LGR4: variants seen among roughly 807,000 people sequenced by gnomAD.
LGR4 encodes leucine rich repeat containing G protein-coupled receptor 4, also known as leucine-rich repeat-containing G protein-coupled receptor 4.
LGR4 carries 44 observed loss-of-function variants against 84.8 expected under a neutral mutation model. The ratio of observed to expected loss-of-function variants is 0.52; its 90% CI spans 0.41 to 0.67. The LOEUF (loss-of-function observed/expected upper bound fraction) is 0.67. Among genes scored for constraint, LGR4 ranks in the 30% least tolerant of loss-of-function variants. LGR4 has a pLI of 0.00. For missense variants in LGR4, 1,032 were observed against 1,131.4 expected (o/e 0.91, Z 1.26); for synonymous variants, 429 against 434.3 (o/e 0.99, Z 0.15).
chr11:27,451,630 C>T (rs761527245), intron 1 of LGR4, among the ~76,000 whole-genome samples: 23 of 152,168 alleles, frequency 1.5e-4, no homozygotes, highest in Non-Finnish European at 3.1e-4. Context: ...TTAAATACCA[C>T]AAAAATTAGT....
chr11:27,373,350 G>A (rs1047125725), intron 15 of LGR4: 2 of 447,334 alleles, frequency 4.5e-6, no homozygotes, highest in African/African-American at 2.0e-5. Flanking sequence ...AGGCCATCAA[G>A]GGCTCCAGTT....
At chr11:27,387,948 T>C (rs1451812873) in intron 4 of LGR4, among the ~76,000 whole-genome samples, 1 of 152,120 alleles carries the variant, frequency 6.6e-6, no homozygotes, top group South Asian at 2.1e-4. Context: ...GAATTCTGTG[T>C]CATCAAGGAA....
chr11:27,382,997 C>A (rs773782409), intron 6 of LGR4, among the ~76,000 whole-genome samples: 1 of 151,818 alleles, frequency 6.6e-6, no homozygotes, highest in Non-Finnish European at 1.5e-5. Context: ...AGCCTGGTGA[C>A]AAAGCGAGAC....
chr11:27,417,312 AAG>A (rs1345108897), intron 1 of LGR4, among the ~76,000 whole-genome samples: 1 of 152,150 alleles, frequency 6.6e-6, no homozygotes, highest in African/African-American at 2.4e-5. Flanking sequence ...GATAATGACC[AAG>A]AATGTCACCT....
chr11:27,426,831 T>G (rs1477683737), intron 1 of LGR4, among the ~76,000 whole-genome samples: 7 of 152,194 alleles, frequency 4.6e-5, no homozygotes, highest in Non-Finnish European at 8.8e-5. Flanking sequence ...TGGTCCATGA[T>G]TCTTTCCACT....
intron 1 of LGR4, among the ~76,000 whole-genome samples, chr11:27,413,805 C>T (rs769395664): frequency 1.3e-5 from 2 of 152,052 alleles, no homozygotes; most frequent in Non-Finnish European, 2.9e-5. Context: ...TGAAGCATAC[C>T]GAAGTCAGCT....
intron 1 of LGR4, among the ~76,000 whole-genome samples, chr11:27,431,048 T>C (rs1405154496): frequency 6.6e-6 from 1 of 152,152 alleles, no homozygotes; most frequent in Non-Finnish European, 1.5e-5. Context: ...GACAGTCTCT[T>C]CTTAGCCCCC....
chr11:27,378,673 G>A, intron 11 of LGR4, 24 bp downstream of exon 11: 1 of 1,481,218 alleles, frequency 6.8e-7, no homozygotes, highest in East Asian at 2.3e-5. Context: ...GGTATGAGGG[G>A]AAGGGAAGAA....
intron 2 of LGR4, among the ~76,000 whole-genome samples, chr11:27,403,777 T>C (rs1242908350): frequency 1.3e-5 from 2 of 152,240 alleles, no homozygotes; most frequent in Admixed American, 6.5e-5. Context: ...TAAAAAACAG[T>C]ATCCACTTAT....
intron 10 of LGR4, 171 bp from the exon 11 acceptor site, chr11:27,378,939 A>C: frequency 1.7e-6 from 1 of 582,720 alleles, no homozygotes; most frequent in Non-Finnish European, 3.0e-6. Flanking sequence ...CTGAACCCCA[A>C]TTCTGATATC....
chr11:27,432,419 C>T (rs1864130768), intron 1 of LGR4, among the ~76,000 whole-genome samples: 1 of 152,170 alleles, frequency 6.6e-6, no homozygotes, highest in Non-Finnish European at 1.5e-5. Flanking sequence ...AGGAGACTGG[C>T]TCACCTACTT....
chr11:27,417,300 T>C (rs888008239), intron 1 of LGR4, among the ~76,000 whole-genome samples: 3 of 152,052 alleles, frequency 2.0e-5, no homozygotes, highest in African/African-American at 7.2e-5. Context: ...AAAACACATG[T>C]TGATAATGAC....
chr11:27,416,239 C>T (rs1863814898), intron 1 of LGR4, among the ~76,000 whole-genome samples: 1 of 152,100 alleles, frequency 6.6e-6, no homozygotes, highest in Admixed American at 6.6e-5. Flanking sequence ...GAGCTGATGG[C>T]CTTACTGGGA....
intron 1 of LGR4, among the ~76,000 whole-genome samples, chr11:27,453,592 C>A (rs554417567): frequency 6.6e-6 from 1 of 152,124 alleles, no homozygotes; most frequent in Non-Finnish European, 1.5e-5. Context: ...TAATCCCCCA[C>A]CCCCCTGCCA....
At chr11:27,396,774 A>G (rs971222487) in intron 2 of LGR4, among the ~76,000 whole-genome samples, 1 of 152,192 alleles carries the variant, frequency 6.6e-6, no homozygotes, top group African/African-American at 2.4e-5. Context: ...TGTCCCACAA[A>G]CAATATTCTT....
chr11:27,382,131 C>T lies in LGR4; in HGVS notation c.758+57G>A, dbSNP rs192849729. The T allele has an allele frequency of 5.0e-5, 56 of 1,123,010 alleles. No individual in the cohort carries two copies. In the African/African-American group the frequency reaches 5.3e-4, roughly 11 times the overall value. 69.6% of individuals were successfully genotyped at this position (1,123,010 alleles called of 1,614,324 possible). A position where few individuals can be genotyped will look rare whatever the true frequency, so the allele number is the denominator to read the frequency against. On this transcript the variant is annotated intron_variant, in intron 7 of 17. Coordinates refer to ENST00000379214, the MANE Select transcript of LGR4 (RefSeq NM_018490.5). The stretch of plus-strand genomic sequence containing the variant: ...ATGTTCTAAAATCCCATTGTTGGAA[C>T]ATTAAATGGTGAGTTTCAGGGATAT...
At chr11:27,455,949 G>A (rs745323472) in intron 1 of LGR4, among the ~76,000 whole-genome samples, 3 of 152,106 alleles carry the variant, frequency 2.0e-5, no homozygotes, top group African/African-American at 4.8e-5. Flanking sequence ...CACGTGTTAC[G>A]CACTTCATTT....
At position 27,384,407 on chromosome 11, in the gene LGR4, C is replaced by T. The variant is rs1863150861; in HGVS notation, c.618G>A (p.Leu206=). 7 of 1,602,634 alleles carry T rather than the reference C, an allele frequency of 4.4e-6. No homozygotes were observed. The highest frequency in any genetic ancestry group is 1.1e-5 in the South Asian group (1 of 90,240). The change falls in exon 6 of 18, where the codon CTG becomes CTA. Residue 206 remains leucine (L), a splice_region_variant and synonymous_variant. Transcript: ENST00000379214. Reference sequence around the variant, plus strand: ...TTCTAATTTTATTGTTATGAAGATGCCTAAGGGGGAAAAAAAGCATAAAAT... The same window carrying T: ...TTCTAATTTTATTGTTATGAAGATGTCTAAGGGGGAAAAAAAGCATAAAAT... ...AFTNLSSLVV[L]HLHNNKIRSL...
At chr11:27,462,421 A>AG (rs1200498835) in intron 1 of LGR4, among the ~76,000 whole-genome samples, 1 of 152,182 alleles carries the variant, frequency 6.6e-6, no homozygotes, top group Non-Finnish European at 1.5e-5. Context: ...TTCTTGTTAG[A>AG]GGGAAGTAGC....
Sources: gnomAD v4.1 joint callset for allele counts (sites outside exome capture counted in the v4.1 genomes callset) on GRCh38, gnomAD v4.1.1 for gene constraint, MANE v1.5 for transcripts, NCBI Gene and HGNC (gene_info 2026-07-23, HGNC 2026-07-21) for gene names.